DNAJC5B: variants seen among roughly 807,000 people sequenced by gnomAD.
DNAJC5B encodes the protein dnaJ homolog subfamily C member 5B.
A neutral mutation model predicts 24.7 loss-of-function variants in DNAJC5B; 23 were observed. That is an observed-to-expected ratio of 0.93 (90% CI 0.67 to 1.32). The LOEUF is 1.32. Ranked by LOEUF, DNAJC5B falls within the 40% of genes most tolerant of loss-of-function variation. The pLI is 0.00. For missense variants in DNAJC5B, 238 were observed against 240.8 expected, an observed-to-expected ratio of 0.99 and a Z score of 0.08; for synonymous variants, 101 against 90.1, an observed-to-expected ratio of 1.12 and a Z score of -0.68.
At chr8:66,070,591 G>A (rs981474332) in intron 3 of DNAJC5B, among the ~76,000 whole-genome samples, 1 of 152,206 alleles carries the variant, frequency 6.6e-6, no homozygotes, top group Non-Finnish European at 1.5e-5. Flanking sequence ...CTCATGGATA[G>A]GAAGAATCAA....
intron 5 of DNAJC5B, among the ~76,000 whole-genome samples, chr8:66,081,121 C>T (rs1807587309): frequency 6.6e-6 from 1 of 152,134 alleles, no homozygotes; most frequent in South Asian, 2.1e-4. Flanking sequence ...GTTGCTAACC[C>T]ACCTCCGTGT....
intron 3 of DNAJC5B, among the ~76,000 whole-genome samples, chr8:66,063,026 A>C (rs1223546370): frequency 2.0e-5 from 3 of 152,180 alleles, no homozygotes; most frequent in Non-Finnish European, 4.4e-5. Context: ...ACAAACAAAC[A>C]AAAAATCAAA....
intron 3 of DNAJC5B, among the ~76,000 whole-genome samples, chr8:66,060,236 T>C (rs562971918): frequency 8.3e-4 from 126 of 152,278 alleles, no homozygotes; most frequent in African/African-American, 1.8e-3. Flanking sequence ...ACCCCCCTCC[T>C]CTTGTGTCAA....
chr8:66,094,614 A>G (rs1234002803), intron 5 of DNAJC5B, among the ~76,000 whole-genome samples: 1 of 151,430 alleles, frequency 6.6e-6, no homozygotes, highest in Non-Finnish European at 1.5e-5. Context: ...ATCTCTTATC[A>G]TTTTTTATTT....
intron 5 of DNAJC5B, among the ~76,000 whole-genome samples, chr8:66,081,295 G>A (rs994326492): frequency 3.3e-5 from 5 of 152,054 alleles, no homozygotes; most frequent in Non-Finnish European, 5.9e-5. Context: ...TAAAGAAGCT[G>A]GGGTCAGACC....
At chr8:66,075,555 T>C (rs1173792308) in intron 3 of DNAJC5B, among the ~76,000 whole-genome samples, 1 of 152,236 alleles carries the variant, frequency 6.6e-6, no homozygotes, top group Non-Finnish European at 1.5e-5. Flanking sequence ...TGGTCCTATC[T>C]ATAAGAATTT....
chr8:66,100,033 A>G lies in DNAJC5B; in HGVS notation c.*2A>G. The G allele has an allele frequency of 6.2e-7, 1 of 1,613,484 alleles. No homozygotes were observed. Among genetic ancestry groups the G allele is most frequent in the South Asian group, 1.1e-5 (1 of 91,022 alleles). On this transcript the variant is annotated 3_prime_UTR_variant, in exon 6 of 6. Transcript: ENST00000276570. ...CGAAGTTATTGCACAGACTCTTGAT[A>G]TTGAGCCCTCAGAGAGTCCACAGTC...
chr8:66,067,007 G>A (rs1807232729), intron 3 of DNAJC5B, among the ~76,000 whole-genome samples: 1 of 140,546 alleles, frequency 7.1e-6, no homozygotes, highest in Non-Finnish European at 1.5e-5. Flanking sequence ...GGCTGTCTTT[G>A]GCTCATATGT....
intron 5 of DNAJC5B, among the ~76,000 whole-genome samples, chr8:66,094,248 A>G (rs1306144670): frequency 6.6e-6 from 1 of 152,136 alleles, no homozygotes; most frequent in East Asian, 1.9e-4. Flanking sequence ...TTAGAATTGC[A>G]GTGAATCTAC....
chr8:66,060,436 G>A (rs1424034885), intron 3 of DNAJC5B, among the ~76,000 whole-genome samples: 2 of 152,144 alleles, frequency 1.3e-5, no homozygotes, highest in Non-Finnish European at 2.9e-5. Flanking sequence ...CTTCTGGGAG[G>A]CCACTGCTAC....
In DNAJC5B at chr8:66,099,954, T is replaced by A; in HGVS notation, c.523T>A (p.Phe175Ile). The A allele has an allele frequency of 6.2e-7, 1 of 1,613,992 alleles. No homozygotes were observed. Among genetic ancestry groups the A allele is most frequent in the Non-Finnish European group, 8.5e-7 (1 of 1,179,912 alleles). ...DMEKDVDFPV[F>I]LQPTNANEKT... ...ATTTTTAGATGTGGACTTTCCAGTT[T>A]TTCTCCAGCCTACAAATGCAAATGA... is the stretch of plus-strand genomic sequence containing the variant. Residue 175 changes from phenylalanine to isoleucine, a missense_variant, in exon 6 of 6, where the codon TTT becomes ATT. Physicochemically the swap from Phe to Ile is conservative, Grantham distance 21. Transcript: ENST00000276570.
At chr8:66,019,153 T>C (rs1806041865), upstream of DNAJC5B, among the ~76,000 whole-genome samples, 1 of 152,220 alleles carries the variant, frequency 6.6e-6, no homozygotes, top group South Asian at 2.1e-4. Flanking sequence ...AGAGATGTCA[T>C]TTTTATTTGC....
intron 2 of DNAJC5B, among the ~76,000 whole-genome samples, chr8:66,045,654 G>A (rs1783709849): frequency 6.6e-6 from 1 of 152,000 alleles, no homozygotes; most frequent in South Asian, 2.1e-4. Context: ...TTCCAGGACT[G>A]TTCTCTGGAA....
intron 5 of DNAJC5B, among the ~76,000 whole-genome samples, chr8:66,090,274 TG>T: frequency 6.6e-6 from 1 of 151,666 alleles, no homozygotes; most frequent in African/African-American, 2.4e-5. Context: ...TGTGTGTGTG[TG>T]TGTGTGGTAG....
rs1360049176 is a variant in DNAJC5B, at chr8:66,080,479, G to A, written c.436G>A (p.Val146Met). The part of the protein sequence containing the change: ...CCGHCRPESS[V>M]PEEDFYVSPE... The stretch of plus-strand genomic sequence containing the variant: ...TGGACACTGCCGGCCCGAGTCATCA[G>A]TGCCAGAAGAGGACTTCTATGTGTC... Residue 146 changes from valine (V) to methionine (M), a missense_variant, in exon 5 of 6, where the codon GTG (valine) becomes ATG (methionine). Physicochemically the swap from Val to Met is conservative, Grantham distance 21. Coordinates refer to ENST00000276570, the MANE Select transcript of DNAJC5B (RefSeq NM_033105.6). 2 of 1,614,042 alleles carry A rather than the reference G, an allele frequency of 1.2e-6. No homozygotes were observed. Among genetic ancestry groups the A allele is most frequent in the South Asian group, 2.2e-5 (2 of 91,068 alleles).
At chr8:66,087,888 G>T (rs1170312480) in intron 5 of DNAJC5B, among the ~76,000 whole-genome samples, 1 of 152,154 alleles carries the variant, frequency 6.6e-6, no homozygotes, top group African/African-American at 2.4e-5. Context: ...GGCTTTTCCA[G>T]GTTCTTGGTG....
chr8:66,042,879 C>T (rs1806644474), intron 1 of DNAJC5B, among the ~76,000 whole-genome samples: 1 of 151,986 alleles, frequency 6.6e-6, no homozygotes, highest in Non-Finnish European at 1.5e-5. Flanking sequence ...GGCTACCTGT[C>T]TTGGTAAACA....
At chr8:66,099,819 T>C (rs1210110290) in intron 5 of DNAJC5B, 118 bp from the exon 6 acceptor site, 3 of 786,144 alleles carry the variant, frequency 3.8e-6, no homozygotes, top group South Asian at 3.5e-5. Flanking sequence ...TATATTGATA[T>C]CTTATGAATT....
chr8:66,083,605 A>G (rs1807652075), intron 5 of DNAJC5B, among the ~76,000 whole-genome samples: 2 of 152,180 alleles, frequency 1.3e-5, no homozygotes, highest in South Asian at 4.1e-4. Context: ...TTAGAGCCCA[A>G]TGGACACATT....
Sources: gnomAD v4.1 joint callset for allele counts (sites outside exome capture counted in the v4.1 genomes callset) on GRCh38, gnomAD v4.1.1 for gene constraint, MANE v1.5 for transcripts, NCBI Gene and HGNC (gene_info 2026-07-23, HGNC 2026-07-21) for gene names.